SEC63: variants seen among roughly 807,000 people sequenced by gnomAD.
SEC63 encodes the protein SEC63 protein translocation regulator.
Under a neutral mutation model 116.2 loss-of-function variants are expected in SEC63, and 56 were observed. The ratio of observed to expected loss-of-function variants is 0.48; its 90% CI spans 0.39 to 0.60. SEC63 has a LOEUF of 0.60. SEC63 is among the 20% of genes least tolerant of loss of function. SEC63 has a pLI of 0.00. For missense variants in SEC63, 668 were observed against 900.0 expected (o/e 0.74, Z 3.30); for synonymous variants, 273 against 294.6 (o/e 0.93, Z 0.75).
At chr6:107,918,203 C>A (rs1787458936) in intron 4 of SEC63, among the ~76,000 whole-genome samples, 1 of 150,724 alleles carries the variant, frequency 6.6e-6, no homozygotes, top group Non-Finnish European at 1.5e-5. Flanking sequence ...GTGTTGACAG[C>A]ATGGATTACT....
intron 1 of SEC63, 60 bp downstream of exon 1, chr6:107,957,826 G>A: frequency 6.7e-7 from 1 of 1,483,044 alleles, no homozygotes; most frequent in South Asian, 1.3e-5. Context: ...GGGCGCCGCA[G>A]GGCCTGGGGG....
In SEC63 at chr6:107,938,566, CT is replaced by C. The variant is rs542430538; in HGVS notation, c.125-9053del. On this transcript the variant is annotated intron_variant, in intron 1 of 20. Coordinates refer to ENST00000369002, the MANE Select transcript of SEC63 (RefSeq NM_007214.5). Reference sequence around the variant, plus strand: ...GGCCCCAGTAAGTCACTTCTTTTTTCTTTTTTTTTTTTTTTAGACGGAGTCT... The same window carrying C: ...GGCCCCAGTAAGTCACTTCTTTTTTCTTTTTTTTTTTTTTAGACGGAGTCT... Among the ~76,000 whole-genome samples the C allele has an allele frequency of 4.0e-3, 553 of 138,080 alleles. 1 individual carries two copies. Among genetic ancestry groups the C allele is most frequent in the Middle Eastern group, 7.4e-3 (2 of 270 alleles). 90.6% of individuals were successfully genotyped at this position (138,080 alleles called of 152,430 possible). A position where few individuals can be genotyped will look rare whatever the true frequency, so the allele number is the denominator to read the frequency against.
intron 1 of SEC63, chr6:107,956,070 A>G: frequency 2.7e-6 from 1 of 368,772 alleles, no homozygotes; most frequent in African/African-American, 2.2e-5. Context: ...ACTTGAAGCA[A>G]GTTCAAGACC....
At chr6:107,925,994 T>G (rs1787666721) in intron 2 of SEC63, among the ~76,000 whole-genome samples, 1 of 152,180 alleles carries the variant, frequency 6.6e-6, no homozygotes, top group South Asian at 2.1e-4. Flanking sequence ...ATTTTTGTAT[T>G]TTTAGTAGAG....
chr6:107,957,723 C>T, intron 1 of SEC63, 163 bp downstream of exon 1: 1 of 599,954 alleles, frequency 1.7e-6, no homozygotes. Context: ...GGAAACGCTG[C>T]TGACCCGGGC....
intron 8 of SEC63, among the ~76,000 whole-genome samples, chr6:107,908,697 T>C (rs181723960): frequency 2.0e-4 from 31 of 152,246 alleles, no homozygotes; most frequent in Non-Finnish European, 3.2e-4. Context: ...GCATAAGGAT[T>C]ATGGTAAAAT....
At chr6:107,876,784 C>T (rs1223829023) in intron 18 of SEC63, 122 bp from the exon 19 acceptor site, 6 of 670,810 alleles carry the variant, frequency 8.9e-6, no homozygotes, top group South Asian at 3.3e-5. Context: ...CTGCTTGGTA[C>T]AAAATAGGTA....
intron 1 of SEC63, among the ~76,000 whole-genome samples, chr6:107,954,231 T>C (rs960471301): frequency 1.3e-5 from 2 of 151,774 alleles, no homozygotes; most frequent in Non-Finnish European, 2.9e-5. Flanking sequence ...TTAAGGGCGG[T>C]GCAAGATGTG....
At chr6:107,919,617 T>C (rs544448354) in intron 4 of SEC63, among the ~76,000 whole-genome samples, 291 of 151,990 alleles carry the variant, frequency 1.9e-3, no homozygotes, top group African/African-American at 6.5e-3. Context: ...GGTCAGGAAA[T>C]CAAGACCATC....
At chr6:107,935,505 T>C (rs1053251724) in intron 1 of SEC63, among the ~76,000 whole-genome samples, 1 of 149,520 alleles carries the variant, frequency 6.7e-6, no homozygotes, top group Non-Finnish European at 1.5e-5. Context: ...AACCCTGTGC[T>C]CTCTGAAACA....
chr6:107,897,874 CTGAT>C (rs1221334396), intron 13 of SEC63, 143 bp from the exon 14 acceptor site: 4 of 671,242 alleles, frequency 6.0e-6, no homozygotes, highest in Middle Eastern at 3.9e-4. Flanking sequence ...AAAAAAATAA[CTGAT>C]TGACTACTCT....
chr6:107,907,214 C>T (rs554347206), intron 8 of SEC63, among the ~76,000 whole-genome samples: 12 of 152,276 alleles, frequency 7.9e-5, no homozygotes, highest in Admixed American at 2.0e-4. Context: ...ACCTAATATG[C>T]ATTATAATTT....
intron 1 of SEC63, among the ~76,000 whole-genome samples, chr6:107,953,636 G>A (rs1481344820): frequency 2.8e-5 from 4 of 141,966 alleles, no homozygotes; most frequent in Admixed American, 6.9e-5. Flanking sequence ...CTGCCCGGCC[G>A]CCCCTACTGG....
chr6:107,878,068 T>G (rs1292094001), intron 18 of SEC63, among the ~76,000 whole-genome samples: 1 of 152,228 alleles, frequency 6.6e-6, no homozygotes, highest in Non-Finnish European at 1.5e-5. Flanking sequence ...GCCACTCAAA[T>G]CTGCCCTTGC....
chr6:107,957,947 G>A lies in SEC63; in HGVS notation c.63C>T (p.Ser21=), dbSNP rs373340380. Residue 21 remains serine, a synonymous_variant, in exon 1 of 21, where the codon TCC becomes TCT. Transcript: ENST00000369002. ...CCGGGATCACGATGAGCCCCACGAA[G>A]GAGGTGAGGAAGTAGAAGAAGGTGT... The part of the protein sequence containing the change: ...SGNTFFYFLT[S]FVGLIVIPAT... The A allele has an allele frequency of 5.0e-6, 8 of 1,613,498 alleles. No individual in the cohort carries two copies. Among genetic ancestry groups the A allele is most frequent in the Non-Finnish European group, 6.8e-6 (8 of 1,179,618 alleles).
intron 1 of SEC63, among the ~76,000 whole-genome samples, chr6:107,950,437 C>A (rs1383391307): frequency 1.3e-5 from 2 of 152,134 alleles, no homozygotes; most frequent in Non-Finnish European, 2.9e-5. Flanking sequence ...CAGACATATA[C>A]AACGCTCACT....
intron 1 of SEC63, among the ~76,000 whole-genome samples, chr6:107,942,046 A>C (rs1460808447): frequency 1.3e-5 from 2 of 152,240 alleles, no homozygotes; most frequent in African/African-American, 2.4e-5. Flanking sequence ...TATAAACATC[A>C]CTTAATGACT....
At chr6:107,949,069 G>A (rs944039090) in intron 1 of SEC63, among the ~76,000 whole-genome samples, 5 of 152,182 alleles carry the variant, frequency 3.3e-5, no homozygotes, top group Non-Finnish European at 7.3e-5. Flanking sequence ...TCTTCAGAGG[G>A]CAAAAGGGAA....
rs1226018596 is a variant in SEC63 at position 107,918,903 on chromosome 6, CCTTTTT to C, written c.452+2888_452+2893del. ...AGAGGAGTTTGGTAGAAGCTGATTTCCTTTTTTTTTTTTTTTTTTTTTTTTGAGACA... is the reference window on the plus strand; with the variant it reads ...AGAGGAGTTTGGTAGAAGCTGATTTCTTTTTTTTTTTTTTTTTTTGAGACA... On this transcript the variant is annotated intron_variant, in intron 4 of 20. Coordinates refer to ENST00000369002, the MANE Select transcript of SEC63 (RefSeq NM_007214.5). Among the ~76,000 whole-genome samples, 158 of 108,522 alleles carry C rather than the reference CCTTTTT, an allele frequency of 1.5e-3. 2 individuals are homozygous for C. Among genetic ancestry groups the C allele is most frequent in the Middle Eastern group, 5.4e-3 (1 of 186 alleles). 71.2% of individuals were successfully genotyped at this position (108,522 alleles called of 152,430 possible). A position where few individuals can be genotyped will look rare whatever the true frequency, so the allele number is the denominator to read the frequency against.
Sources: gnomAD v4.1 joint callset for allele counts (sites outside exome capture counted in the v4.1 genomes callset) on GRCh38, gnomAD v4.1.1 for gene constraint, MANE v1.5 for transcripts, NCBI Gene and HGNC (gene_info 2026-07-23, HGNC 2026-07-21) for gene names.